The following NUP43 variants were observed in gnomAD, a reference collection of about 807,000 sequenced individuals.
The protein encoded by NUP43 is nucleoporin Nup43.
NUP43 carries 32 observed loss-of-function variants against 47.3 expected under a neutral mutation model. The ratio of observed to expected loss-of-function variants is 0.68; its 90% confidence interval spans 0.51 to 0.91. NUP43 has a LOEUF of 0.91. NUP43 is among the 40% of genes least tolerant of loss of function. The pLI is 0.00. For synonymous variants in NUP43, 147 were observed against 158.4 expected, an observed-to-expected ratio of 0.93 and a Z score of 0.54; for missense variants, 444 against 453.9, an observed-to-expected ratio of 0.98 and a Z score of 0.20.
chr6:149,731,787 C>A, intron 6 of NUP43, 52 bp from the exon 7 acceptor site: 1 of 1,591,822 alleles, frequency 6.3e-7, no homozygotes, highest in Non-Finnish European at 8.6e-7. Flanking sequence ...GCTGAACAAA[C>A]AACATTAAAC....
At chr6:149,743,517 C>T in intron 3 of NUP43, 121 bp downstream of exon 3, 1 of 595,014 alleles carries the variant, frequency 1.7e-6, no homozygotes, top group Non-Finnish European at 2.9e-6. Context: ...ATCACTTGAA[C>T]TCAGAAGGTG....
rs564182105 is a variant in NUP43, at chr6:149,724,326, T to C, written c.*2643A>G. 6.7e-6 allele frequency: 1 copy of C among 149,198 alleles called. No individual in the cohort carries two copies. Among genetic ancestry groups the C allele is most frequent in the African/African-American group, 2.5e-5 (1 of 40,066 alleles). 9.2% of individuals were successfully genotyped at this position (149,198 alleles called of 1,614,324 possible). On this transcript the variant is annotated 3_prime_UTR_variant, in exon 8 of 8. Transcript: ENST00000340413. Reference sequence around the variant, plus strand: ...CAGATAGAAGCAAATTTCAGTTCAGTATATGAAAATTCATTTATTTAGTGA... The same window carrying C: ...CAGATAGAAGCAAATTTCAGTTCAGCATATGAAAATTCATTTATTTAGTGA...
At chr6:149,736,284 A>G (rs1175735874) in intron 6 of NUP43, among the ~76,000 whole-genome samples, 187 bp downstream of exon 6, 1 of 152,200 alleles carries the variant, frequency 6.6e-6, no homozygotes, top group Non-Finnish European at 1.5e-5. Flanking sequence ...TCTCCAAAAA[A>G]ACAAAAACAA....
intron 4 of NUP43, among the ~76,000 whole-genome samples, chr6:149,739,718 C>T (rs1785549589): frequency 6.6e-6 from 1 of 152,174 alleles, no homozygotes; most frequent in Middle Eastern, 3.2e-3. Flanking sequence ...TAGTCCCTGA[C>T]CTAGAACTTC....
upstream of NUP43, chr6:149,746,739 T>G (rs1318230808): frequency 1.4e-6 from 2 of 1,384,944 alleles, no homozygotes; most frequent in Non-Finnish European, 1.9e-6. Flanking sequence ...TAGGACTTGC[T>G]CCTAATCTGC....
chr6:149,746,597 G>C, upstream of NUP43: 1 of 1,609,892 alleles, frequency 6.2e-7, no homozygotes. Context: ...ACTTTAGGAC[G>C]GAGACGGTGG....
intron 1 of NUP43, 48 bp from the exon 2 acceptor site, chr6:149,746,110 C>T (rs1160130036): frequency 6.3e-7 from 1 of 1,593,996 alleles, no homozygotes; most frequent in Non-Finnish European, 8.5e-7. Context: ...CGTCAACTCT[C>T]GGAAAATAAA....
At chr6:149,727,927 G>A (rs1784866362) in intron 7 of NUP43, 10 of 984,434 alleles carry the variant, frequency 1.0e-5, no homozygotes, top group Non-Finnish European at 1.1e-5. Context: ...ACAAATGACT[G>A]AGTACCTACT....
rs946152421 is a variant in NUP43, at chr6:149,727,040, C to T, written c.1072G>A (p.Val358Ile). The T allele has an allele frequency of 6.2e-7, 1 of 1,614,118 alleles. No individual in the cohort carries two copies. Among genetic ancestry groups the T allele is most frequent in the Non-Finnish European group, 8.5e-7 (1 of 1,179,982 alleles). ...CCACAAACAAGACAAGGACCTAAAACATCCAAAGTGTTCACAGACAGAGAC... is the reference window on the plus strand; with the variant it reads ...CCACAAACAAGACAAGGACCTAAAATATCCAAAGTGTTCACAGACAGAGAC... The part of the protein sequence containing the change: ...SRSLSVNTLD[V>I]LGPCLVCGTD... Residue 358 changes from valine (V) to isoleucine (I), a missense_variant, in exon 8 of 8, where the codon GTT becomes ATT. Coordinates refer to ENST00000340413, the MANE Select transcript of NUP43 (RefSeq NM_198887.3).
rs369440624 is a variant in NUP43 at position 149,731,491 on chromosome 6, A to C, written c.913+122T>G. The C allele has an allele frequency of 5.3e-5, 41 of 767,876 alleles. No homozygotes were observed. In the East Asian group the frequency reaches 1.2e-3, roughly 22 times the overall value. The allele number at this position is 767,876 out of a possible 1,614,324, so 47.6% of individuals were successfully genotyped here. On this transcript the variant is annotated intron_variant, in intron 7 of 7. Transcript: ENST00000340413. Reference sequence around the variant, plus strand: ...GGCACGAGAATCGCTTGAACCCAGGAGGCGGAGGTTGCAGTGAGCTGAGAT... The same window carrying C: ...GGCACGAGAATCGCTTGAACCCAGGCGGCGGAGGTTGCAGTGAGCTGAGAT...
chr6:149,735,622 A>C (rs2115107656), intron 6 of NUP43, among the ~76,000 whole-genome samples: 1 of 148,554 alleles, frequency 6.7e-6, no homozygotes, highest in African/African-American at 2.5e-5. Flanking sequence ...AAAAAAAAAC[A>C]CACACAGAGA....
intron 4 of NUP43, among the ~76,000 whole-genome samples, chr6:149,740,275 CAAAAAAAAAAAAA>C (rs766447484): frequency 4.5e-5 from 1 of 22,444 alleles, no homozygotes; most frequent in Admixed American, 6.9e-4. Context: ...GACCCTGTCT[CAAAAAAAAAAAAA>C]AAAAAAAAAA....
At chr6:149,746,632 T>C (rs748720287), upstream of NUP43, 4 of 1,593,490 alleles carry the variant, frequency 2.5e-6, no homozygotes, top group African/African-American at 4.0e-5. Flanking sequence ...TTCTCGTCGA[T>C]AGCCAGTGTG....
chr6:149,727,774 A>C (rs559202112), intron 7 of NUP43: 1 of 983,992 alleles, frequency 1.0e-6, no homozygotes, highest in African/African-American at 1.7e-5. Flanking sequence ...CTAGATTATA[A>C]GGTTTTATCT....
At chr6:149,728,914 CT>C (rs1267493055) in intron 7 of NUP43, among the ~76,000 whole-genome samples, 1 of 152,182 alleles carries the variant, frequency 6.6e-6, no homozygotes, top group Non-Finnish European at 1.5e-5. Context: ...CCCCTCACCC[CT>C]GTCTTTATTC....
intron 6 of NUP43, among the ~76,000 whole-genome samples, chr6:149,733,070 GT>G (rs937585819): frequency 1.3e-5 from 2 of 151,292 alleles, no homozygotes; most frequent in East Asian, 1.9e-4. Flanking sequence ...TTACGGAAAA[GT>G]TTTTTTTTAA....
At chr6:149,737,980 C>G (rs533384199) in intron 5 of NUP43, among the ~76,000 whole-genome samples, 3 of 152,172 alleles carry the variant, frequency 2.0e-5, no homozygotes, top group Admixed American at 6.6e-5. Context: ...CATGAGCAAC[C>G]ACGCCCAGCC....
chr6:149,743,823 G>T, intron 2 of NUP43, 108 bp from the exon 3 acceptor site: 1 of 543,310 alleles, frequency 1.8e-6, no homozygotes, highest in Admixed American at 4.7e-5. Context: ...ATTTTAAAAA[G>T]CAAAGAGCCA....
rs149014510 is a variant in NUP43 at position 149,730,941 on chromosome 6, C to CAA, written c.913+670_913+671dup. 2.8e-4 allele frequency among the ~76,000 whole-genome samples: 41 copies of CAA among 144,844 alleles called. No individual in the cohort carries two copies. In the East Asian group the frequency reaches 5.0e-3, roughly 18 times the overall value. On this transcript the variant is annotated intron_variant, in intron 7 of 7. Transcript: ENST00000340413. Reference sequence around the variant, plus strand: ...TGTCAGAGTGAGACGCTGTCTCAAACAAAAAAAAAACAAAATAAAAGTATG... The same window carrying CAA: ...TGTCAGAGTGAGACGCTGTCTCAAACAAAAAAAAAAAACAAAATAAAAGTATG...
Sources: allele counts gnomAD v4.1 joint callset (sites outside exome capture counted in the v4.1 genomes callset), GRCh38; gene constraint gnomAD v4.1.1; transcripts MANE v1.5; gene names NCBI Gene and HGNC (gene_info 2026-07-23, HGNC 2026-07-21).